PFAS: variants seen among roughly 807,000 people sequenced by gnomAD.
The protein encoded by PFAS is FGAM synthase.
A neutral mutation model predicts 140.6 loss-of-function variants in PFAS; 97 were observed. That is an observed-to-expected ratio of 0.69 (90% CI 0.59 to 0.82). The LOEUF is 0.82. Among genes scored for constraint, PFAS ranks in the 40% least tolerant of loss-of-function variants. PFAS has a pLI of 0.00. For synonymous variants in PFAS, 679 were observed against 718.8 expected (o/e 0.94, Z 0.88); for missense variants, 1,656 against 1,780.2 (o/e 0.93, Z 1.26).
Position 8,264,953 on chromosome 17 carries a change from C to T in PFAS, c.2108C>T (p.Thr703Ile). 1 of 1,610,858 alleles carries T rather than the reference C, an allele frequency of 6.2e-7. No individual in the cohort carries two copies. The highest frequency in any genetic ancestry group is 2.2e-5 in the East Asian group (1 of 44,760). Residue 703 changes from threonine (T) to isoleucine (I), a missense_variant, in exon 18 of 28, where the codon ACT becomes ATT. By Grantham distance (89) the Thr-to-Ile change is moderately conservative. Transcript: ENST00000314666. The part of the protein sequence containing the change: ...AQQQCVGPLQ[T>I]PLADVAVVAL... ...CAGCAGTGCGTGGGGCCCCTGCAAA[C>T]TCCTCTGGCAGATGTAGCGGTTGTG...
chr17:8,248,081 G>A (rs543956275), upstream of PFAS: 17 of 1,475,154 alleles, frequency 1.2e-5, no homozygotes, highest in East Asian at 3.4e-4. Context: ...TGCTCGCTTG[G>A]GGGTGGGGAT....
At chr17:8,247,996 G>C, upstream of PFAS, 3 of 1,529,306 alleles carry the variant, frequency 2.0e-6, no homozygotes, top group Non-Finnish European at 2.7e-6. Context: ...CGTAATAGCA[G>C]CACTCACGGA....
chr17:8,258,200 G>C lies in PFAS; in HGVS notation c.1336+1G>C, dbSNP rs1227700518. On this transcript the variant is annotated splice_donor_variant, in intron 11 of 27. Coordinates refer to ENST00000314666, the MANE Select transcript of PFAS (RefSeq NM_012393.3). LOFTEE classifies it high-confidence loss of function. ...ATAAGCAAGGAGGCCCCAGAGCCAGGTAAGAGCCTGCCACCTTTCTCTGGA... is the reference window on the plus strand; with the variant it reads ...ATAAGCAAGGAGGCCCCAGAGCCAGCTAAGAGCCTGCCACCTTTCTCTGGA... 1 of 1,613,696 alleles carries C rather than the reference G, an allele frequency of 6.2e-7. No individual in the cohort carries two copies. Among genetic ancestry groups the C allele is most frequent in the Non-Finnish European group, 8.5e-7 (1 of 1,180,000 alleles).
chr17:8,264,676 A>T (rs747405907), intron 17 of PFAS, 75 bp downstream of exon 17: 2 of 1,461,302 alleles, frequency 1.4e-6, no homozygotes, highest in Non-Finnish European at 1.8e-6. Flanking sequence ...ACCCTTAGAA[A>T]GTGCTGTGGG....
chr17:8,263,339 A>C lies in PFAS; in HGVS notation c.1567+74A>C, dbSNP rs139846959. ...CAGGTTTCGTTTAGGGAGAGGTATCAGGAATCTCCAACCAACCACCCAGCT... is the reference window on the plus strand; with the variant it reads ...CAGGTTTCGTTTAGGGAGAGGTATCCGGAATCTCCAACCAACCACCCAGCT... On this transcript the variant is annotated intron_variant, in intron 13 of 27. Coordinates refer to ENST00000314666, the MANE Select transcript of PFAS (RefSeq NM_012393.3). The C allele has an allele frequency of 6.3e-5, 96 of 1,515,772 alleles. No homozygotes were observed. In the East Asian group the frequency reaches 2.0e-3, roughly 31 times the overall value. The allele number at this position is 1,515,772 out of a possible 1,614,324, so 93.9% of individuals were successfully genotyped here.
At chr17:8,259,353 C>T (rs4792691) in intron 11 of PFAS, among the ~76,000 whole-genome samples, 1 of 151,988 alleles carries the variant, frequency 6.6e-6, no homozygotes, top group African/African-American at 2.4e-5. Context: ...TCACTGTGGC[C>T]TTGAGCTCCT....
chr17:8,265,805 T>C, intron 20 of PFAS, 57 bp from the exon 21 acceptor site: 1 of 1,470,650 alleles, frequency 6.8e-7, no homozygotes, highest in Non-Finnish European at 9.4e-7. Context: ...TGTGAGCCCC[T>C]CAGGGATGGG....
Position 8,269,516 on chromosome 17 carries a change from A to G in PFAS, c.*252A>G. On this transcript the variant is annotated 3_prime_UTR_variant, in exon 28 of 28. Coordinates refer to ENST00000314666, the MANE Select transcript of PFAS (RefSeq NM_012393.3). The stretch of plus-strand genomic sequence containing the variant: ...CAGGAAACAGCATGTGGTTCAGAGA[A>G]AAGAGCGACAAGGAAAAGTTAGGAC... 1 of 460,402 alleles carries G rather than the reference A, an allele frequency of 2.2e-6. No individual in the cohort carries two copies. The highest frequency in any genetic ancestry group is 3.9e-6 in the Non-Finnish European group (1 of 258,266). The allele number at this position is 460,402 out of a possible 1,614,324, so 28.5% of individuals were successfully genotyped here. A position where few individuals can be genotyped will look rare whatever the true frequency, so the allele number is the denominator to read the frequency against.
chr17:8,268,337 T>G (rs923433051), intron 26 of PFAS, among the ~76,000 whole-genome samples, 196 bp from the exon 27 acceptor site: 1 of 136,478 alleles, frequency 7.3e-6, no homozygotes, highest in African/African-American at 2.8e-5. Context: ...CATGCCACTG[T>G]ACTCCAGCCT....
chr17:8,254,356 T>A, intron 3 of PFAS, 55 bp downstream of exon 3: 1 of 1,599,580 alleles, frequency 6.3e-7, no homozygotes, highest in Non-Finnish European at 8.5e-7. Context: ...CTTCCTCTTG[T>A]GATCCTTGGG....
At chr17:8,257,391 C>T (rs969082248) in intron 9 of PFAS, among the ~76,000 whole-genome samples, 15 of 151,662 alleles carry the variant, frequency 9.9e-5, no homozygotes, top group Non-Finnish European at 1.8e-4. Context: ...CCCGTCTCTA[C>T]TAAAAATACA....
At chr17:8,261,807 CA>C (rs1989604914) in intron 11 of PFAS, among the ~76,000 whole-genome samples, 1 of 151,930 alleles carries the variant, frequency 6.6e-6, no homozygotes, top group African/African-American at 2.4e-5. Context: ...GATTGGATTT[CA>C]CTGTGTTAGC....
rs570808793 is a variant in PFAS, at chr17:8,251,896, C to G, written c.-79-1963C>G. On this transcript the variant is annotated intron_variant, in intron 1 of 27. Coordinates refer to ENST00000314666, the MANE Select transcript of PFAS (RefSeq NM_012393.3). The stretch of plus-strand genomic sequence containing the variant: ...CCACGTTGGCCAGGTTGGTCTTGAA[C>G]TCCTGACCTCAAGTGATCTGCCCCT... 5.9e-5 allele frequency among the ~76,000 whole-genome samples: 9 copies of G among 152,100 alleles called. No individual in the cohort carries two copies. The East Asian group carries it at 1.8e-3, about 30-fold the overall frequency.
chr17:8,264,213 T>G lies in PFAS; in HGVS notation c.1793T>G (p.Ile598Arg), dbSNP rs1210949695. 3 of 1,613,950 alleles carry G rather than the reference T, an allele frequency of 1.9e-6. No homozygotes were observed. The highest frequency in any genetic ancestry group is 2.5e-6 in the Non-Finnish European group (3 of 1,179,926). Residue 598 changes from isoleucine to arginine, a missense_variant and splice_region_variant, in exon 16 of 28, where the codon ATA becomes AGA. Physicochemically the swap from Ile to Arg is moderately conservative, Grantham distance 97. Transcript: ENST00000314666. Reference protein sequence around the residue: ...FVGTITGDRRIVLVDDRECPV... With the variant: ...FVGTITGDRRRVLVDDRECPV... ...GGGTGGGGTCCCTGTGGTCTATAGA[T>G]AGTGCTGGTGGACGATCGGGAGTGT...
Position 8,255,034 on chromosome 17 carries a change from T to G in PFAS, c.286T>G (p.Phe96Val). 6.2e-7 allele frequency: 1 copy of G among 1,613,428 alleles called. No homozygotes were observed. Among genetic ancestry groups the G allele is most frequent in the South Asian group, 1.1e-5 (1 of 91,064 alleles). The change falls in exon 4 of 28, where the codon TTC becomes GTC. Residue 96 changes from phenylalanine (F) to valine (V), a missense_variant. This residue lies in a region of PFAS where 773 missense variants were observed against 757.3 expected (regional missense o/e 1.02). Transcript: ENST00000314666. ...LLLEVGPRLN[F>V]STPTSTNIVS... ...ATCAGGCCCATTGTTCAGGCTGAAC[T>G]TCTCCACCCCAACATCCACCAACAT...
intron 3 of PFAS, 110 bp downstream of exon 3, chr17:8,254,411 C>G: frequency 7.2e-6 from 9 of 1,258,486 alleles, no homozygotes; most frequent in Non-Finnish European, 1.0e-5. Flanking sequence ...GCCTAGGAAA[C>G]CACACATGTG....
chr17:8,248,089 G>T, upstream of PFAS: 2 of 596,410 alleles, frequency 3.4e-6, no homozygotes, highest in Non-Finnish European at 5.9e-6. Flanking sequence ...TGGGGGTGGG[G>T]ATGGGGGTGG....
In PFAS at chr17:8,268,866, A is replaced by C. The variant is rs905364874; in HGVS notation, c.3706+10A>C. 8.7e-6 allele frequency: 14 copies of C among 1,610,852 alleles called. No homozygotes were observed. Among genetic ancestry groups the C allele is most frequent in the Non-Finnish European group, 1.0e-5 (12 of 1,179,944 alleles). On this transcript the variant is annotated intron_variant, in intron 27 of 27. Transcript: ENST00000314666. The stretch of plus-strand genomic sequence containing the variant: ...AGTGCGCACGGGGAAGGTCAGGCCC[A>C]AGGAAGGCTGGGGGAGGGCCCGAGG...
At chr17:8,256,156 C>CT (rs1425624414) in intron 6 of PFAS, 111 bp from the exon 7 acceptor site, 5 of 1,053,622 alleles carry the variant, frequency 4.7e-6, no homozygotes, top group Admixed American at 2.5e-5. Flanking sequence ...GATCTGTCAT[C>CT]TAAGTATGAA....
Sources: allele counts gnomAD v4.1 joint callset (sites outside exome capture counted in the v4.1 genomes callset), GRCh38; gene constraint gnomAD v4.1.1; regional missense constraint gnomAD v4.1.1; transcripts MANE v1.5; gene names NCBI Gene and HGNC (gene_info 2026-07-23, HGNC 2026-07-21).